The following MLANA variants were observed in gnomAD, a reference collection of about 807,000 sequenced individuals.
MLANA encodes the protein melanoma antigen recognized by T-cells 1.
MLANA carries 21 observed loss-of-function variants against 15.7 expected under a neutral mutation model. The observed-to-expected ratio is 1.33, with a 90% CI of 0.95 to 1.92. MLANA has a LOEUF of 1.92. Ranked by LOEUF, MLANA falls within the 40% of genes most tolerant of loss-of-function variation. The pLI, the probability that MLANA is intolerant of heterozygous loss-of-function variation, is 0.00. For missense variants in MLANA, 164 were observed against 143.8 expected, an observed-to-expected ratio of 1.14 and a Z score of -0.72; for synonymous variants, 56 against 51.5, an observed-to-expected ratio of 1.09 and a Z score of -0.37.
intron 3 of MLANA, among the ~76,000 whole-genome samples, chr9:5,906,642 G>A (rs184703171): frequency 2.6e-5 from 4 of 152,312 alleles, no homozygotes; most frequent in Admixed American, 2.0e-4. Flanking sequence ...TGGGTCCCAG[G>A]TACTGCACTA....
At chr9:5,893,343 C>T (rs1271185125) in intron 2 of MLANA, among the ~76,000 whole-genome samples, 1 of 152,162 alleles carries the variant, frequency 6.6e-6, no homozygotes, top group African/African-American at 2.4e-5. Context: ...TCTAACAGGA[C>T]AACACCCTCT....
intron 2 of MLANA, among the ~76,000 whole-genome samples, chr9:5,893,296 G>A (rs1000496978): frequency 6.6e-6 from 1 of 152,146 alleles, no homozygotes; most frequent in Non-Finnish European, 1.5e-5. Context: ...CGTGCTGGGT[G>A]GCAGGGGCAG....
At chr9:5,896,168 C>T (rs529737959) in intron 2 of MLANA, among the ~76,000 whole-genome samples, 2 of 152,300 alleles carry the variant, frequency 1.3e-5, no homozygotes, top group East Asian at 3.9e-4. Flanking sequence ...GGTTGTGCAG[C>T]CCTGGGCACT....
intron 3 of MLANA, among the ~76,000 whole-genome samples, chr9:5,901,341 A>AT (rs746434425): frequency 2.6e-5 from 4 of 152,178 alleles, no homozygotes; most frequent in Admixed American, 2.0e-4. Context: ...TTAACTGTTG[A>AT]TTTTTTGTAC....
At chr9:5,898,462 C>T (rs1406040606) in intron 3 of MLANA, among the ~76,000 whole-genome samples, 2 of 152,182 alleles carry the variant, frequency 1.3e-5, no homozygotes, top group Non-Finnish European at 2.9e-5. Flanking sequence ...TCTTAAAAGT[C>T]CTACCTCTTA....
chr9:5,891,675 T>C (rs1210821415), intron 1 of MLANA, among the ~76,000 whole-genome samples: 1 of 152,224 alleles, frequency 6.6e-6, no homozygotes, highest in East Asian at 1.9e-4. Context: ...CTGCAGTTTA[T>C]GGATATTTTT....
intron 3 of MLANA, chr9:5,898,905 T>C (rs1403416288): frequency 6.6e-6 from 1 of 152,240 alleles, no homozygotes; most frequent in Non-Finnish European, 1.5e-5. Flanking sequence ...CCTTCTTAGA[T>C]GGCCAAAGGT....
intron 3 of MLANA, among the ~76,000 whole-genome samples, chr9:5,902,973 C>G (rs991939989): frequency 2.0e-5 from 3 of 152,200 alleles, no homozygotes; most frequent in African/African-American, 7.2e-5. Context: ...ACATTTCCCT[C>G]TAAATACTGC....
intron 2 of MLANA, among the ~76,000 whole-genome samples, chr9:5,895,436 A>C (rs1246181901): frequency 1.3e-5 from 2 of 151,952 alleles, no homozygotes; most frequent in Non-Finnish European, 2.9e-5. Context: ...ACAATGGGGC[A>C]ATCTTCATTA....
rs999821631 is a variant in MLANA at position 5,910,052 on chromosome 9, A to G, written c.*1344A>G. The G allele has an allele frequency of 2.0e-5, 3 of 152,228 alleles. No homozygotes were observed. Among genetic ancestry groups the G allele is most frequent in the Non-Finnish European group, 4.4e-5 (3 of 68,044 alleles). 9.4% of individuals were successfully genotyped at this position (152,228 alleles called of 1,614,324 possible). On this transcript the variant is annotated 3_prime_UTR_variant, in exon 5 of 5. Coordinates refer to ENST00000381477, the MANE Select transcript of MLANA (RefSeq NM_005511.2). Reference sequence around the variant, plus strand: ...GAAAGTAATTTTTTTAACCTAAGAAAATACTAATGGTCACAGAAGGCTATG... The same window carrying G: ...GAAAGTAATTTTTTTAACCTAAGAAGATACTAATGGTCACAGAAGGCTATG...
intron 1 of MLANA, among the ~76,000 whole-genome samples, chr9:5,892,150 C>G (rs1831694868): frequency 6.6e-6 from 1 of 152,194 alleles, no homozygotes. Flanking sequence ...AAATTGAAGG[C>G]AAATGAGGAA....
intron 3 of MLANA, among the ~76,000 whole-genome samples, chr9:5,898,664 T>C (rs1306705736): frequency 6.6e-6 from 1 of 152,176 alleles, no homozygotes; most frequent in African/African-American, 2.4e-5. Flanking sequence ...AGGAGTATAT[T>C]AGACACCTCA....
intron 1 of MLANA, chr9:5,891,261 A>G (rs77243359): frequency 6.6e-6 from 1 of 152,178 alleles, no homozygotes; most frequent in Non-Finnish European, 1.5e-5. Context: ...TAAGAGGCGC[A>G]TTTGCTGTTG....
rs760218624 is a variant in MLANA, at chr9:5,892,542, C to A, written c.68C>A (p.Thr23Lys). 6.2e-7 allele frequency: 1 copy of A among 1,612,762 alleles called. No homozygotes were observed. Among genetic ancestry groups the A allele is most frequent in the African/African-American group, 1.3e-5 (1 of 74,816 alleles). Residue 23 changes from threonine (T) to lysine (K), a missense_variant, in exon 2 of 5, where the codon ACG becomes AAG. By Grantham distance (78) the Thr-to-Lys change is moderately conservative (BLOSUM62 -1). Transcript: ENST00000381477. ...PKKGHGHSYT[T>K]AEEAAGIGIL... ...AAGGGGCACGGCCACTCTTACACCA[C>A]GGCTGAAGAGTAAGTTCAAAACCAG...
chr9:5,893,823 G>T (rs1053041767), intron 2 of MLANA, among the ~76,000 whole-genome samples: 1 of 152,010 alleles, frequency 6.6e-6, no homozygotes, highest in Non-Finnish European at 1.5e-5. Flanking sequence ...TCCACATCTT[G>T]CCAACAGAAA....
At position 5,892,454 on chromosome 9, in the gene MLANA, C is replaced by A. The variant is rs747184365; in HGVS notation, c.-21C>A. ...CCCACATGCTCCTTCTGTTAGGTGT[C>A]CTGTGCCCTGACCCTACAAGATGCC... On this transcript the variant is annotated 5_prime_UTR_variant, in exon 2 of 5. Transcript: ENST00000381477. 6.2e-7 allele frequency: 1 copy of A among 1,608,308 alleles called. No homozygotes were observed. The highest frequency in any genetic ancestry group is 2.2e-5 in the East Asian group (1 of 44,740).
At chr9:5,907,633 T>G (rs1586968808) in intron 4 of MLANA, among the ~76,000 whole-genome samples, 1 of 152,362 alleles carries the variant, frequency 6.6e-6, no homozygotes, top group South Asian at 2.1e-4. Flanking sequence ...ATGTTTCTTC[T>G]TTTAAATGTA....
At chr9:5,899,530 T>G (rs1291986207) in intron 3 of MLANA, among the ~76,000 whole-genome samples, 2 of 152,162 alleles carry the variant, frequency 1.3e-5, no homozygotes, top group Non-Finnish European at 2.9e-5. Context: ...TTGATGAATC[T>G]GAACAAGACT....
At chr9:5,904,006 C>T (rs570279660) in intron 3 of MLANA, among the ~76,000 whole-genome samples, 12 of 151,924 alleles carry the variant, frequency 7.9e-5, no homozygotes, top group East Asian at 5.8e-4. Flanking sequence ...TACAGGTGTG[C>T]GCCACCAAGC....
Sources: gnomAD v4.1 joint callset for allele counts (sites outside exome capture counted in the v4.1 genomes callset) on GRCh38, gnomAD v4.1.1 for gene constraint, MANE v1.5 for transcripts, NCBI Gene and HGNC (gene_info 2026-07-23, HGNC 2026-07-21) for gene names.